Variants in ENTREP2 observed in about 807,000 individuals in gnomAD.
ENTREP2 encodes protein ENTREP2.
At chr15:29,346,259 C>A in the ENTREP2 span, among the ~76,000 whole-genome samples, 1 of 152,190 alleles carries the variant, frequency 6.6e-6, no homozygotes, top group Non-Finnish European at 1.5e-5. Flanking sequence ...CAGAGCATGT[C>A]ACCAATTACT....
At chr15:29,210,882 G>A in the ENTREP2 span, among the ~76,000 whole-genome samples, 1 of 152,188 alleles carries the variant, frequency 6.6e-6, no homozygotes, top group East Asian at 1.9e-4. Context: ...GCAACTTAAA[G>A]ATGATACAGC....
At chr15:29,488,937 G>C in the ENTREP2 span, among the ~76,000 whole-genome samples, 1 of 152,190 alleles carries the variant, frequency 6.6e-6, no homozygotes, top group African/African-American at 2.4e-5. Flanking sequence ...ACATAATTCA[G>C]ACTGATGGCT....
chr15:29,264,047 C>T, the ENTREP2 span, among the ~76,000 whole-genome samples: 4 of 150,740 alleles, frequency 2.7e-5, no homozygotes, highest in Non-Finnish European at 4.4e-5. Context: ...CCCAGCTACT[C>T]GGGAGGCTGA....
the ENTREP2 span, among the ~76,000 whole-genome samples, chr15:29,222,968 T>C: frequency 1.3e-5 from 2 of 152,234 alleles, no homozygotes; most frequent in Non-Finnish European, 2.9e-5. Context: ...AAACTGCTCA[T>C]AGCAGTGTCG....
chr15:29,637,372 G>A, the ENTREP2 span, among the ~76,000 whole-genome samples: 1 of 152,134 alleles, frequency 6.6e-6, no homozygotes, highest in African/African-American at 2.4e-5. Context: ...GCTTGCAATG[G>A]GGACATATGC....
chr15:29,349,614 G>T, the ENTREP2 span, among the ~76,000 whole-genome samples: 1 of 152,122 alleles, frequency 6.6e-6, no homozygotes. Context: ...CATAGCAAGG[G>T]GGAGAAGACA....
chr15:29,570,979 T>G, the ENTREP2 span, among the ~76,000 whole-genome samples: 1 of 140,992 alleles, frequency 7.1e-6, no homozygotes, highest in Non-Finnish European at 1.6e-5. Context: ...CGCTGCGCCC[T>G]CCCCCGCCCG....
the ENTREP2 span, among the ~76,000 whole-genome samples, chr15:29,598,964 G>C: frequency 6.6e-6 from 1 of 152,198 alleles, no homozygotes; most frequent in African/African-American, 2.4e-5. Context: ...CCAAAGTGCT[G>C]GGATTACAGG....
chr15:29,129,075 T>C, the ENTREP2 span, among the ~76,000 whole-genome samples: 7 of 152,142 alleles, frequency 4.6e-5, no homozygotes, highest in African/African-American at 1.7e-4. Flanking sequence ...TTCTTTTTTC[T>C]TTTTTTGAGA....
the ENTREP2 span, among the ~76,000 whole-genome samples, chr15:29,277,376 C>CA: frequency 6.6e-6 from 1 of 151,784 alleles, no homozygotes; most frequent in African/African-American, 2.4e-5. Context: ...ATGAGCTAAT[C>CA]AATCTGGTGA....
At chr15:29,652,515 G>A in the ENTREP2 span, among the ~76,000 whole-genome samples, 1 of 152,262 alleles carries the variant, frequency 6.6e-6, no homozygotes, top group East Asian at 1.9e-4. Flanking sequence ...TGCAGGTGAA[G>A]AGTGGGAAAG....
chr15:29,625,777 CCA>C, the ENTREP2 span, among the ~76,000 whole-genome samples: 1 of 152,174 alleles, frequency 6.6e-6, no homozygotes, highest in East Asian at 1.9e-4. Flanking sequence ...TGTGAGAATT[CCA>C]GTTTCTCAAC....
the ENTREP2 span, among the ~76,000 whole-genome samples, chr15:29,595,113 G>A: frequency 1.8e-4 from 27 of 146,456 alleles, no homozygotes; most frequent in African/African-American, 4.5e-4. Context: ...AATTAGCCAG[G>A]TGTGATGGCA....
chr15:29,400,722 A>G, the ENTREP2 span, among the ~76,000 whole-genome samples: 1 of 152,250 alleles, frequency 6.6e-6, no homozygotes, highest in Non-Finnish European at 1.5e-5. Context: ...CAATTAATAA[A>G]TTTAAAATGT....
At chr15:29,626,881 CAA>C in the ENTREP2 span, among the ~76,000 whole-genome samples, 2 of 152,118 alleles carry the variant, frequency 1.3e-5, no homozygotes, top group African/African-American at 4.8e-5. Context: ...ACAAATAAAA[CAA>C]ATACAATAAA....
chr15:29,323,338 C>T, the ENTREP2 span, among the ~76,000 whole-genome samples: 640 of 152,122 alleles, frequency 4.2e-3, 36 homozygotes, highest in East Asian at 0.11. Context: ...AATGAAGCCT[C>T]GATAAAAACC....
chr15:29,242,637 A>G, the ENTREP2 span, among the ~76,000 whole-genome samples: 1 of 152,238 alleles, frequency 6.6e-6, no homozygotes, highest in Non-Finnish European at 1.5e-5. Flanking sequence ...GTTCACTCAC[A>G]TGCTCCCCTC....
chr15:29,226,496 T>C, the ENTREP2 span, among the ~76,000 whole-genome samples: 1 of 152,218 alleles, frequency 6.6e-6, no homozygotes, highest in Admixed American at 6.5e-5. Context: ...GCCAAAACTA[T>C]CCCTGACCTG....
the ENTREP2 span, among the ~76,000 whole-genome samples, chr15:29,663,265 A>T: frequency 6.6e-6 from 1 of 151,560 alleles, no homozygotes; most frequent in African/African-American, 2.4e-5. Flanking sequence ...CATGCCTGTA[A>T]TCCCAGCACT....
Sources: gnomAD v4.1 joint callset for allele counts (sites outside exome capture counted in the v4.1 genomes callset) on GRCh38, gnomAD v4.1.1 for gene constraint, MANE v1.5 for transcripts, NCBI Gene and HGNC (gene_info 2026-07-23, HGNC 2026-07-21) for gene names.